The following ZNF124 variants were observed in gnomAD, a reference collection of about 807,000 sequenced individuals.
The protein encoded by ZNF124 is zinc finger protein HZF-16.
Under a neutral mutation model 26.6 loss-of-function variants are expected in ZNF124, and 25 were observed. The observed-to-expected ratio is 0.94, with a 90% CI of 0.68 to 1.31. The LOEUF is 1.31. Among genes scored for constraint, ZNF124 ranks in the 40% most tolerant of loss-of-function variants. The pLI, the probability that ZNF124 is intolerant of heterozygous loss-of-function variation, is 0.00. For synonymous variants in ZNF124, 129 were observed against 133.3 expected (o/e 0.97, Z 0.22); for missense variants, 444 against 422.2 (o/e 1.05, Z -0.45).
chr1:247,149,480 T>C (rs770764598), intron 3 of ZNF124, among the ~76,000 whole-genome samples: 1 of 152,192 alleles, frequency 6.6e-6, no homozygotes, highest in Non-Finnish European at 1.5e-5. Context: ...GATACAGAAA[T>C]TGTGATACAC....
At position 247,127,749 on chromosome 1, in the gene ZNF124, A is replaced by C. The variant is rs1486799060; in HGVS notation, c.219-3878T>G. On this transcript the variant is annotated intron_variant, in intron 3 of 3. Coordinates refer to the ZNF124 transcript ENST00000472531. ...AATCGATCACGACCCTCTCACGCGG[A>C]CCCCCTTAGAGCTGTAAGCCCTTAA... Among the ~76,000 whole-genome samples the C allele has an allele frequency of 1.3e-5, 2 of 148,716 alleles. 1 individual carries two copies. Among genetic ancestry groups the C allele is most frequent in the Non-Finnish European group, 3.0e-5 (2 of 66,722 alleles).
downstream of ZNF124, among the ~76,000 whole-genome samples, chr1:247,151,490 A>AG (rs1424283284): frequency 6.6e-6 from 1 of 152,048 alleles, no homozygotes; most frequent in Non-Finnish European, 1.5e-5. Flanking sequence ...AAAAAAAAAA[A>AG]AAAAACCATG....
chr1:247,147,669 A>C (rs920229085), intron 3 of ZNF124, among the ~76,000 whole-genome samples: 3 of 152,330 alleles, frequency 2.0e-5, no homozygotes, highest in Non-Finnish European at 2.9e-5. Context: ...TTTGCATATC[A>C]GAGTGTAAAG....
At position 247,159,633 on chromosome 1, in the gene ZNF124, C is replaced by G. The variant is rs1202415671; in HGVS notation, c.157+54G>C. On this transcript the variant is annotated intron_variant, in intron 2 of 3. Transcript: ENST00000543802. ...CCAAATCATGGAATGACATTGAAAA[C>G]CATGAAACACTTACTTTCTGATTGA... 1.9e-6 allele frequency: 3 copies of G among 1,581,970 alleles called. No individual in the cohort carries two copies. In the African/African-American group the frequency reaches 4.1e-5, roughly 22 times the overall value.
At chr1:247,152,062 T>C (rs2103113970), downstream of ZNF124, among the ~76,000 whole-genome samples, 1 of 150,154 alleles carries the variant, frequency 6.7e-6, no homozygotes, top group East Asian at 1.9e-4. Context: ...CGCTTTTTTT[T>C]TTTTTAAGAT....
Position 247,155,360 on chromosome 1 carries a change from A to T in ZNF124, c.*1206T>A, listed in dbSNP as rs180919231. On this transcript the variant is annotated 3_prime_UTR_variant, in exon 4 of 4. Coordinates refer to ENST00000543802, the MANE Select transcript of ZNF124 (RefSeq NM_001297568.2). ...CTACTGTGTAACCCACAAAATTTTT[A>T]AAAAATTTTAAAAATATTTTATACT... Among the ~76,000 whole-genome samples the T allele has an allele frequency of 0.033, 5,085 of 151,964 alleles. 115 individuals are homozygous for T. Among genetic ancestry groups the T allele is most frequent in the Non-Finnish European group, 0.051 (3,462 of 67,980 alleles).
Position 247,159,802 on chromosome 1 carries a change from G to A in ZNF124, c.42C>T (p.Ala14=). 6.2e-7 allele frequency: 1 copy of A among 1,611,566 alleles called. No individual in the cohort carries two copies. The highest frequency in any genetic ancestry group is 1.3e-5 in the African/African-American group (1 of 74,824). Residue 14 remains alanine (A), a synonymous_variant, in exon 2 of 4, where the codon GCC becomes GCT. Coordinates refer to ENST00000543802, the MANE Select transcript of ZNF124 (RefSeq NM_001297568.2). ...TGAAGTTCACAGCCACATCCTCAAA[G>A]GCAACCGAGTTCTAAAATATTCCAC... ...HPGSWEMNSV[A]FEDVAVNFTQ...
At chr1:247,159,152 G>A in intron 2 of ZNF124, 86 bp from the exon 3 acceptor site, 2 of 1,278,948 alleles carry the variant, frequency 1.6e-6, no homozygotes, top group Non-Finnish European at 2.1e-6. Context: ...TGGGGATATG[G>A]TTTGTACCCA....
At chr1:247,162,797 T>C (rs1018347684) in intron 1 of ZNF124, among the ~76,000 whole-genome samples, 1 of 152,070 alleles carries the variant, frequency 6.6e-6, no homozygotes, top group East Asian at 1.9e-4. Context: ...ATACGGCAAA[T>C]TCTTACACAC....
chr1:247,133,885 T>C (rs1208124274), intron 3 of ZNF124, among the ~76,000 whole-genome samples: 1 of 152,002 alleles, frequency 6.6e-6, no homozygotes, highest in Non-Finnish European at 1.5e-5. Context: ...ACTCCTGACC[T>C]CAGGTGACCC....
rs371467343 is a variant in ZNF124, at chr1:247,158,909, G to A, written c.218+97C>T. ...ATCCCAAAGTGCTGGGATTACAGGT[G>A]TGAGCCACCATGCCTGGCCTTGTTT... On this transcript the variant is annotated intron_variant, in intron 3 of 3. Transcript: ENST00000543802. The A allele has an allele frequency of 3.8e-5, 44 of 1,152,716 alleles. No homozygotes were observed. In the African/African-American group the frequency reaches 6.0e-4, roughly 16 times the overall value. 71.4% of individuals were successfully genotyped at this position (1,152,716 alleles called of 1,614,324 possible).
chr1:247,156,927 T>G lies in ZNF124; in HGVS notation c.695A>C (p.Lys232Thr). ...GCCACATTCCATGCACACATAAGGT[T>G]TCTCTCCAGTGTGAGTTCTTTCATG... ...HYHERTHTGE[K>T]PYVCMECGKA... Residue 232 changes from lysine (K) to threonine (T), a missense_variant, in exon 4 of 4, where the codon AAA becomes ACA. Coordinates refer to ENST00000543802, the MANE Select transcript of ZNF124 (RefSeq NM_001297568.2). The G allele has an allele frequency of 6.2e-7, 1 of 1,613,854 alleles. No individual in the cohort carries two copies. Among genetic ancestry groups the G allele is most frequent in the Non-Finnish European group, 8.5e-7 (1 of 1,179,826 alleles).
At chr1:247,144,770 T>C (rs1396225784) in intron 3 of ZNF124, among the ~76,000 whole-genome samples, 1 of 133,848 alleles carries the variant, frequency 7.5e-6, no homozygotes, top group East Asian at 2.0e-4. Context: ...AGATTATCTT[T>C]TCTTTCTTTC....
chr1:247,151,436 G>A (rs898211403), downstream of ZNF124, among the ~76,000 whole-genome samples: 25 of 146,672 alleles, frequency 1.7e-4, no homozygotes, highest in Admixed American at 5.6e-4. Context: ...CCGAGATCGC[G>A]CCACTGCACT....
chr1:247,124,570 C>A (rs1470592195), intron 3 of ZNF124, among the ~76,000 whole-genome samples: 1 of 152,132 alleles, frequency 6.6e-6, no homozygotes, highest in Non-Finnish European at 1.5e-5. Context: ...GAGATGATCA[C>A]CCCATAAAGA....
chr1:247,159,905 G>A (rs1403072974), intron 1 of ZNF124, 92 bp from the exon 2 acceptor site: 1 of 1,475,388 alleles, frequency 6.8e-7, no homozygotes, highest in Non-Finnish European at 9.1e-7. Context: ...TGATTCTGTG[G>A]CGAACATTTA....
intron 1 of ZNF124, 178 bp from the exon 2 acceptor site, chr1:247,159,991 T>G: frequency 2.0e-5 from 14 of 704,818 alleles, no homozygotes; most frequent in Admixed American, 8.5e-5. Context: ...TTTTTTTTTT[T>G]TTTTTTTTTT....
rs577543044 is a variant in ZNF124, at chr1:247,157,292, G to C, written c.330C>G (p.His110Gln). The C allele has an allele frequency of 1.2e-5, 19 of 1,604,146 alleles. 1 individual carries two copies. The South Asian group carries it at 2.1e-4, about 18-fold the overall frequency. ...TTCCAGTGTGCATTACTGTGTCTCT[G>C]TGAACCCTTGTGACAGAAAGGGAAG... ...QKTSLSVTRVHRDTVMHTGNG... is the reference protein window; with the variant it reads ...QKTSLSVTRVQRDTVMHTGNG... Residue 110 changes from histidine to glutamine, a missense_variant, in exon 4 of 4, where the codon CAC (histidine) becomes CAG (glutamine). Physicochemically the swap from His to Gln is conservative, Grantham distance 24. Transcript: ENST00000543802.
At chr1:247,130,172 T>G (rs183729845) in intron 3 of ZNF124, among the ~76,000 whole-genome samples, 2 of 152,336 alleles carry the variant, frequency 1.3e-5, no homozygotes, top group African/African-American at 2.4e-5. Context: ...GCTTGAGAGA[T>G]AATATTTTCA....
Sources: gnomAD v4.1 joint callset for allele counts (sites outside exome capture counted in the v4.1 genomes callset) on GRCh38, gnomAD v4.1.1 for gene constraint, MANE v1.5 for transcripts, NCBI Gene and HGNC (gene_info 2026-07-23, HGNC 2026-07-21) for gene names.